The following NXPH1 variants were observed in gnomAD, a reference collection of about 807,000 sequenced individuals.
NXPH1 encodes the protein neurexophilin 1, also known as neurexophilin-1.
Under a neutral mutation model 23.7 loss-of-function variants are expected in NXPH1, and 5 were observed. That is an observed-to-expected ratio of 0.21 (90% CI 0.11 to 0.44). The LOEUF is 0.44. NXPH1 is among the 20% of genes least tolerant of loss of function. The pLI, the probability that NXPH1 is intolerant of heterozygous loss-of-function variation, is 0.99. For synonymous variants in NXPH1, 144 were observed against 122.2 expected (o/e 1.18, Z -1.18); for missense variants, 324 against 321.6 (o/e 1.01, Z -0.06).
At position 8,657,160 on chromosome 7, in the gene NXPH1, A is replaced by G. The variant is rs569959241; in HGVS notation, c.55-93848A>G. Among the ~76,000 whole-genome samples the G allele has an allele frequency of 2.6e-5, 4 of 152,382 alleles. No individual in the cohort carries two copies. In the South Asian group the frequency reaches 8.3e-4, roughly 32 times the overall value. ...TCTTACAGTGTCTGCCTGACACAGC[A>G]CATTGCTAATAAAAGCATACAAACA... On this transcript the variant is annotated intron_variant, in intron 2 of 2. Transcript: ENST00000405863.
At chr7:8,715,302 A>AG (rs1779859385) in intron 2 of NXPH1, among the ~76,000 whole-genome samples, 1 of 151,896 alleles carries the variant, frequency 6.6e-6, no homozygotes, top group Non-Finnish European at 1.5e-5. Context: ...AACTGCTGTG[A>AG]GGGGATGGGG....
intron 2 of NXPH1, among the ~76,000 whole-genome samples, chr7:8,436,546 A>T (rs1816199439): frequency 6.6e-6 from 1 of 151,692 alleles, no homozygotes; most frequent in Non-Finnish European, 1.5e-5. Context: ...CTGGTTGAAG[A>T]GCTTTGTTGT....
chr7:8,550,919 T>C (rs113679956), intron 2 of NXPH1, among the ~76,000 whole-genome samples: 5 of 151,554 alleles, frequency 3.3e-5, no homozygotes, highest in Admixed American at 2.6e-4. Context: ...ACAGATGTTT[T>C]CAATTTTGAA....
chr7:8,660,708 G>A (rs1284067063), intron 2 of NXPH1, among the ~76,000 whole-genome samples: 2 of 152,104 alleles, frequency 1.3e-5, no homozygotes. Context: ...AAATTTTAAT[G>A]TATGATTGAA....
Position 8,474,246 on chromosome 7 carries a change from GT to G in NXPH1, c.54+38487del, listed in dbSNP as rs534740732. ...TTTAGGATTGCTACACATATTTTGT[GT>G]TTTTTTTCTTTCTCTTCAGTTGGTG... On this transcript the variant is annotated intron_variant, in intron 2 of 2. Coordinates refer to ENST00000405863, the MANE Select transcript of NXPH1 (RefSeq NM_152745.3). 4.3e-4 allele frequency among the ~76,000 whole-genome samples: 66 copies of G among 151,914 alleles called. 1 individual carries two copies. Among genetic ancestry groups the G allele is most frequent in the South Asian group, 4.2e-3 (20 of 4,778 alleles).
chr7:8,460,755 T>G (rs1816680653), intron 2 of NXPH1, among the ~76,000 whole-genome samples: 1 of 152,228 alleles, frequency 6.6e-6, no homozygotes, highest in African/African-American at 2.4e-5. Flanking sequence ...ACGGACATGC[T>G]TGAGTGTGAA....
intron 2 of NXPH1, among the ~76,000 whole-genome samples, chr7:8,651,013 G>T (rs901980974): frequency 6.6e-6 from 1 of 151,180 alleles, no homozygotes; most frequent in African/African-American, 2.4e-5. Flanking sequence ...GGGTACATGT[G>T]CACAATGTGC....
chr7:8,663,600 A>G (rs780249159), intron 2 of NXPH1, among the ~76,000 whole-genome samples: 1 of 152,114 alleles, frequency 6.6e-6, no homozygotes, highest in Admixed American at 6.6e-5. Flanking sequence ...AAGGTTTCTC[A>G]ATTGCCAAAA....
At chr7:8,579,808 A>G (rs1818831340) in intron 2 of NXPH1, among the ~76,000 whole-genome samples, 2 of 152,230 alleles carry the variant, frequency 1.3e-5, no homozygotes, top group Non-Finnish European at 2.9e-5. Flanking sequence ...CACAGGGGCT[A>G]TCAGAGACCT....
At chr7:8,617,700 TAGAA>T (rs1382493961) in intron 2 of NXPH1, among the ~76,000 whole-genome samples, 7 of 151,892 alleles carry the variant, frequency 4.6e-5, no homozygotes, top group East Asian at 3.9e-4. Flanking sequence ...GTACAAAAAA[TAGAA>T]AGAACAAATA....
intron 2 of NXPH1, among the ~76,000 whole-genome samples, chr7:8,517,661 C>T (rs1329492352): frequency 2.0e-5 from 3 of 152,132 alleles, no homozygotes; most frequent in African/African-American, 7.2e-5. Context: ...CAGAAGAGAT[C>T]TCTCCTCATA....
At chr7:8,484,987 C>T (rs1405813291) in intron 2 of NXPH1, among the ~76,000 whole-genome samples, 4 of 152,124 alleles carry the variant, frequency 2.6e-5, no homozygotes, top group Admixed American at 6.5e-5. Context: ...TGTGTCCCCA[C>T]CCAAATCTTA....
chr7:8,478,680 C>G (rs12666522), intron 2 of NXPH1, among the ~76,000 whole-genome samples: 8,338 of 152,042 alleles, frequency 0.055, 441 homozygotes, highest in African/African-American at 0.14. Flanking sequence ...TCCAGAACAA[C>G]AAATGCCAAG....
chr7:8,745,474 A>G (rs1346298053), intron 2 of NXPH1, among the ~76,000 whole-genome samples: 2 of 151,968 alleles, frequency 1.3e-5, no homozygotes, highest in Non-Finnish European at 2.9e-5. Context: ...ATGTTTGTCT[A>G]TGAATGTAAA....
At chr7:8,597,704 G>A (rs868655947) in intron 2 of NXPH1, among the ~76,000 whole-genome samples, 9 of 116,126 alleles carry the variant, frequency 7.8e-5, no homozygotes, top group African/African-American at 2.3e-4. Flanking sequence ...AGGAGGATCC[G>A]GGTGGGGGGC....
chr7:8,540,324 G>T (rs1206454186), intron 2 of NXPH1, among the ~76,000 whole-genome samples: 1 of 151,672 alleles, frequency 6.6e-6, no homozygotes, highest in Non-Finnish European at 1.5e-5. Context: ...AAGTAATTGG[G>T]GCCAAATTTA....
intron 2 of NXPH1, among the ~76,000 whole-genome samples, chr7:8,666,692 A>G (rs76013269): frequency 2.2e-4 from 33 of 152,154 alleles, no homozygotes; most frequent in African/African-American, 7.9e-4. Flanking sequence ...TTTATTGCTT[A>G]TGTAATTTCC....
At chr7:8,481,900 C>A (rs987462305) in intron 2 of NXPH1, among the ~76,000 whole-genome samples, 32 of 152,280 alleles carry the variant, frequency 2.1e-4, no homozygotes, top group African/African-American at 7.5e-4. Flanking sequence ...GGAGTTCTTG[C>A]ATAGATCACA....
chr7:8,547,226 G>A (rs1231372926), intron 2 of NXPH1, among the ~76,000 whole-genome samples: 3 of 151,438 alleles, frequency 2.0e-5, no homozygotes, highest in East Asian at 2.0e-4. Context: ...GAGGGAGGGG[G>A]AAATTGGAGG....
Sources: gnomAD v4.1 joint callset for allele counts (sites outside exome capture counted in the v4.1 genomes callset) on GRCh38, gnomAD v4.1.1 for gene constraint, MANE v1.5 for transcripts, NCBI Gene and HGNC (gene_info 2026-07-23, HGNC 2026-07-21) for gene names.